CABYR: variants seen among roughly 807,000 people sequenced by gnomAD.
CABYR encodes calcium binding tyrosine phosphorylation regulated.
A neutral mutation model predicts 36.1 loss-of-function variants in CABYR; 31 were observed. That is an observed-to-expected ratio of 0.86 (90% CI 0.64 to 1.16). The LOEUF (loss-of-function observed/expected upper bound fraction) is 1.16. CABYR is among the 50% of genes most tolerant of loss of function. The pLI, the probability that CABYR is intolerant of heterozygous loss-of-function variation, is 0.00. For missense variants in CABYR, 429 were observed against 455.8 expected (o/e 0.94, Z 0.53); for synonymous variants, 146 against 160.7 (o/e 0.91, Z 0.69).
At chr18:24,148,417 G>C (rs2085511524) in intron 3 of CABYR, among the ~76,000 whole-genome samples, 1 of 152,170 alleles carries the variant, frequency 6.6e-6, no homozygotes, top group African/African-American at 2.4e-5. Context: ...CGAAGAATAA[G>C]GGAGGGAATG....
At chr18:24,145,231 G>A (rs1345477812) in intron 3 of CABYR, among the ~76,000 whole-genome samples, 1 of 152,112 alleles carries the variant, frequency 6.6e-6, no homozygotes, top group Non-Finnish European at 1.5e-5. Flanking sequence ...GCTGTGCTAG[G>A]TGAAATTCAG....
chr18:24,155,820 G>A lies in CABYR; in HGVS notation c.319G>A (p.Glu107Lys), dbSNP rs2085766228. 8 of 1,614,010 alleles carry A rather than the reference G, an allele frequency of 5.0e-6. No homozygotes were observed. Among genetic ancestry groups the A allele is most frequent in the Admixed American group, 3.3e-5 (2 of 60,002 alleles). The change falls in exon 4 of 6, where the codon GAG (glutamate) becomes AAG (lysine). Residue 107 changes from glutamate to lysine, a missense_variant. Transcript: ENST00000399496. Reference sequence around the variant, plus strand: ...GATGGAAAAATCTACAGACACAGACGAGGACAATGTAACCAGAACAGAATA... The same window carrying A: ...GATGGAAAAATCTACAGACACAGACAAGGACAATGTAACCAGAACAGAATA... ...TQMEKSTDTDEDNVTRTEYSD... is the reference protein window; with the variant it reads ...TQMEKSTDTDKDNVTRTEYSD...
chr18:24,148,992 C>T (rs992041482), intron 3 of CABYR, among the ~76,000 whole-genome samples: 6 of 152,162 alleles, frequency 3.9e-5, no homozygotes, highest in Non-Finnish European at 7.4e-5. Context: ...TGGCCCCACC[C>T]ACATCCTGCT....
intron 3 of CABYR, among the ~76,000 whole-genome samples, chr18:24,151,688 T>C (rs2085638755): frequency 1.1e-4 from 1 of 8,742 alleles, no homozygotes; most frequent in African/African-American, 2.4e-4. Flanking sequence ...TAGTGTTGGC[T>C]TTTTTTTTTT....
Position 24,147,172 on chromosome 18 carries a change from G to A in CABYR, c.199+3759G>A, listed in dbSNP as rs1323368204. On this transcript the variant is annotated intron_variant, in intron 3 of 5. Coordinates refer to ENST00000399496, the MANE Select transcript of CABYR (RefSeq NM_153769.3). Reference sequence around the variant, plus strand: ...TAGCTGGGCATGGTGGCACACACCTGTAGTCGTGGATATTCAGGAGGCTGA... The same window carrying A: ...TAGCTGGGCATGGTGGCACACACCTATAGTCGTGGATATTCAGGAGGCTGA... Among the ~76,000 whole-genome samples the A allele has an allele frequency of 4.1e-5, 6 of 145,712 alleles. No individual in the cohort carries two copies. In the East Asian group the frequency reaches 1.0e-3, roughly 25 times the overall value.
At position 24,155,708 on chromosome 18, in the gene CABYR, A is replaced by C. The variant is rs373159236; in HGVS notation, c.207A>C (p.Lys69Asn). The C allele has an allele frequency of 8.8e-6, 14 of 1,583,760 alleles. No individual in the cohort carries two copies. In the African/African-American group the frequency reaches 1.9e-4, roughly 22 times the overall value. ...CTGGTTGTTGTTTTTCAGTAGAGAA[A>C]TGGTCAGAAGGAACGACACCACAGA... ...VKQFHQIKVE[K>N]WSEGTTPQKK... Residue 69 changes from lysine (K) to asparagine (N), a missense_variant, in exon 4 of 6, where the codon AAA becomes AAC. Physicochemically the swap from Lys to Asn is moderately conservative, Grantham distance 94. Transcript: ENST00000399496.
In CABYR at chr18:24,155,683, C is replaced by A. The variant is rs760672800; in HGVS notation, c.200-18C>A. 5 of 1,527,694 alleles carry A rather than the reference C, an allele frequency of 3.3e-6. No homozygotes were observed. Among genetic ancestry groups the A allele is most frequent in the Non-Finnish European group, 4.4e-6 (5 of 1,133,566 alleles). 94.6% of individuals were successfully genotyped at this position (1,527,694 alleles called of 1,614,324 possible). A position where few individuals can be genotyped will look rare whatever the true frequency, so the allele number is the denominator to read the frequency against. On this transcript the variant is annotated intron_variant, in intron 3 of 5. Transcript: ENST00000399496. ...TCTTTTTAGATGTTAATTAACCCAT[C>A]TGGTTGTTGTTTTTCAGTAGAGAAA...
intron 3 of CABYR, among the ~76,000 whole-genome samples, chr18:24,143,807 A>G (rs998436181): frequency 6.6e-6 from 1 of 152,068 alleles, no homozygotes; most frequent in African/African-American, 2.4e-5. Context: ...CAGTGTTGGG[A>G]TTACCGGCAT....
rs752845903 is a variant in CABYR, at chr18:24,157,621, G to A, written c.541+1579G>A. On this transcript the variant is annotated intron_variant, in intron 4 of 5. Coordinates refer to ENST00000399496, the MANE Select transcript of CABYR (RefSeq NM_153769.3). The stretch of plus-strand genomic sequence containing the variant: ...GTATCAGCAGCAGAAAGGACGGCCC[G>A]GCACTTGCGGCACTTGAACAGCAAT... Among the ~76,000 whole-genome samples, 4 of 152,260 alleles carry A rather than the reference G, an allele frequency of 2.6e-5. No homozygotes were observed. The East Asian group carries it at 5.8e-4, about 22-fold the overall frequency.
At chr18:24,147,587 G>C (rs750573148) in intron 3 of CABYR, among the ~76,000 whole-genome samples, 19 of 152,018 alleles carry the variant, frequency 1.2e-4, no homozygotes, top group Non-Finnish European at 2.5e-4. Flanking sequence ...TTTTTAATCA[G>C]CTTTATTCTA....
At position 24,156,045 on chromosome 18, in the gene CABYR, A is replaced by G. The variant is rs761388620; in HGVS notation, c.541+3A>G. On this transcript the variant is annotated splice_donor_region_variant and intron_variant, in intron 4 of 5. Transcript: ENST00000399496. The stretch of plus-strand genomic sequence containing the variant: ...TCAGCTTGCTGCTCAGATGTTAGGT[A>G]AAGTTTCATCTATTCATTCTGATCA... The G allele has an allele frequency of 1.2e-6, 2 of 1,614,076 alleles. No homozygotes were observed. The highest frequency in any genetic ancestry group is 1.7e-6 in the Non-Finnish European group (2 of 1,180,042).
chr18:24,145,610 A>G (rs1362520927), intron 3 of CABYR, among the ~76,000 whole-genome samples: 1 of 152,000 alleles, frequency 6.6e-6, no homozygotes, highest in Admixed American at 6.6e-5. Context: ...TTTTTGTCCA[A>G]CTCCTAAGCT....
intron 1 of CABYR, among the ~76,000 whole-genome samples, chr18:24,142,302 G>C (rs1032984424): frequency 2.0e-5 from 3 of 151,886 alleles, no homozygotes; most frequent in Non-Finnish European, 4.4e-5. Context: ...CTGGGTGGCA[G>C]AGCGAGACTC....
At chr18:24,160,626 T>C (rs1324152968) in intron 5 of CABYR, among the ~76,000 whole-genome samples, 2 of 152,236 alleles carry the variant, frequency 1.3e-5, no homozygotes, top group African/African-American at 4.8e-5. Context: ...TCATACTTAA[T>C]GCCAAACCTT....
chr18:24,145,177 T>C (rs537331428), intron 3 of CABYR, among the ~76,000 whole-genome samples: 2 of 152,352 alleles, frequency 1.3e-5, no homozygotes, highest in East Asian at 3.9e-4. Flanking sequence ...GTCCAATCCA[T>C]AATTTCATTT....
intron 5 of CABYR, among the ~76,000 whole-genome samples, chr18:24,161,148 AC>A (rs2085967632): frequency 6.6e-6 from 1 of 150,816 alleles, no homozygotes; most frequent in African/African-American, 2.5e-5. Context: ...AGTGTTATAC[AC>A]CAATTAGTTA....
At chr18:24,143,728 G>A (rs2085387184) in intron 3 of CABYR, among the ~76,000 whole-genome samples, 1 of 151,990 alleles carries the variant, frequency 6.6e-6, no homozygotes, top group South Asian at 2.1e-4. Context: ...TAGTGATGGG[G>A]TCTTGCCTCG....
intron 4 of CABYR, chr18:24,156,751 T>C: frequency 6.2e-7 from 1 of 1,614,214 alleles, no homozygotes; most frequent in Non-Finnish European, 8.5e-7. Context: ...GAAAAATCTC[T>C]GCACCTTGAA....
At chr18:24,150,595 G>A in intron 3 of CABYR, 1 of 983,746 alleles carries the variant, frequency 1.0e-6, no homozygotes, top group Non-Finnish European at 1.2e-6. Flanking sequence ...CAAGGAGGAA[G>A]AGGGGAGAAA....
Sources: allele counts gnomAD v4.1 joint callset (sites outside exome capture counted in the v4.1 genomes callset), GRCh38; gene constraint gnomAD v4.1.1; transcripts MANE v1.5; gene names NCBI Gene and HGNC (gene_info 2026-07-23, HGNC 2026-07-21).